TMPRSS5: variants seen among roughly 807,000 people sequenced by gnomAD.
The protein encoded by TMPRSS5 is transmembrane protease serine 5.
In TMPRSS5, 45 loss-of-function variants were observed where a neutral mutation model predicts 59.7. The observed-to-expected ratio is 0.75, with a 90% CI of 0.59 to 0.97. The LOEUF (loss-of-function observed/expected upper bound fraction) is 0.97, where lower values mean the gene tolerates loss of function less well. Ranked by LOEUF, TMPRSS5 falls within the 50% of genes least tolerant of loss-of-function variation. TMPRSS5 has a pLI of 0.00. For missense variants in TMPRSS5, 585 were observed against 596.7 expected, an observed-to-expected ratio of 0.98 and a Z score of 0.20; for synonymous variants, 225 against 232.0, an observed-to-expected ratio of 0.97 and a Z score of 0.27.
At chr11:113,705,933 C>A (rs569374801) in intron 1 of TMPRSS5, among the ~76,000 whole-genome samples, 1 of 152,308 alleles carries the variant, frequency 6.6e-6, no homozygotes, top group South Asian at 2.1e-4. Context: ...TTACAGGACT[C>A]CTTGCTCCTC....
rs146829461 is a variant in TMPRSS5 at position 113,687,897 on chromosome 11, CAGGGAGGGGAG to C, written c.*352_*362del. ...CCCTCCCAAAAGACTCACACAGGGGCAGGGAGGGGAGAGGGCAGAAGGGCAGGCTTCCTGCT... is the reference window on the plus strand; with the variant it reads ...CCCTCCCAAAAGACTCACACAGGGGCAGGGCAGAAGGGCAGGCTTCCTGCT... On this transcript the variant is annotated 3_prime_UTR_variant, in exon 13 of 13. Transcript: ENST00000299882. The C allele has an allele frequency of 0.015, 3,245 of 223,488 alleles. 115 individuals are homozygous for C. Among genetic ancestry groups the C allele is most frequent in the African/African-American group, 0.07 (3,082 of 44,154 alleles). 13.8% of individuals were successfully genotyped at this position (223,488 alleles called of 1,614,324 possible).
intron 1 of TMPRSS5, among the ~76,000 whole-genome samples, chr11:113,703,329 A>G (rs943957317): frequency 6.6e-6 from 1 of 152,108 alleles, no homozygotes; most frequent in African/African-American, 2.4e-5. Context: ...ATTTTGACCA[A>G]TTTCTCCCAT....
intron 12 of TMPRSS5, among the ~76,000 whole-genome samples, chr11:113,688,479 T>C (rs1952666560): frequency 6.6e-6 from 1 of 152,224 alleles, no homozygotes; most frequent in East Asian, 1.9e-4. Context: ...GAATGTATTA[T>C]CTACCAACCC....
chr11:113,699,249 CTCTCTCTCT>C lies in TMPRSS5; in HGVS notation c.206-231_206-223del, dbSNP rs1953034137. On this transcript the variant is annotated intron_variant, in intron 3 of 12. Transcript: ENST00000299882. ...TCTCTCTCTCTCTCTCTCTCTCTCT[CTCTCTCTCT>C]CTCTCTCTCTCTCCCTCTCTCTCTC... Among the ~76,000 whole-genome samples, 5 of 88,976 alleles carry C rather than the reference CTCTCTCTCT, an allele frequency of 5.6e-5. No homozygotes were observed. In the East Asian group the frequency reaches 1.5e-3, roughly 26 times the overall value. 58.4% of individuals were successfully genotyped at this position (88,976 alleles called of 152,430 possible).
chr11:113,704,243 C>T (rs1019779400), intron 1 of TMPRSS5, among the ~76,000 whole-genome samples: 1 of 152,140 alleles, frequency 6.6e-6, no homozygotes, highest in African/African-American at 2.4e-5. Flanking sequence ...AGTCTGCAAC[C>T]TACTATGTGA....
In TMPRSS5 at chr11:113,688,154, C is replaced by A; in HGVS notation, c.*106G>T. Reference sequence around the variant, plus strand: ...CACACACAGTAGTAGGAGGTCCATGCGTTCTGTGTCGGAGGCTACTGCCTC... The same window carrying A: ...CACACACAGTAGTAGGAGGTCCATGAGTTCTGTGTCGGAGGCTACTGCCTC... On this transcript the variant is annotated 3_prime_UTR_variant, in exon 13 of 13. Coordinates refer to ENST00000299882, the MANE Select transcript of TMPRSS5 (RefSeq NM_030770.4). 7.5e-6 allele frequency: 11 copies of A among 1,473,906 alleles called. No individual in the cohort carries two copies. The South Asian group carries it at 1.3e-4, about 18-fold the overall frequency. The allele number at this position is 1,473,906 out of a possible 1,614,324, so 91.3% of individuals were successfully genotyped here. A position where few individuals can be genotyped will look rare whatever the true frequency, so the allele number is the denominator to read the frequency against.
rs945133826 is a variant in TMPRSS5, at chr11:113,688,134, A to G, written c.*126T>C. On this transcript the variant is annotated 3_prime_UTR_variant, in exon 13 of 13. Transcript: ENST00000299882. ...AGTGGGTAGTGACTGTTCCTCACAC[A>G]CAGTAGTAGGAGGTCCATGCGTTCT... 7.3e-7 allele frequency: 1 copy of G among 1,377,644 alleles called. No homozygotes were observed. Among genetic ancestry groups the G allele is most frequent in the East Asian group, 2.8e-5 (1 of 36,230 alleles). The allele number at this position is 1,377,644 out of a possible 1,614,324, so 85.3% of individuals were successfully genotyped here. A position where few individuals can be genotyped will look rare whatever the true frequency, so the allele number is the denominator to read the frequency against.
chr11:113,705,459 G>A (rs1327892280), intron 1 of TMPRSS5, among the ~76,000 whole-genome samples: 3 of 152,124 alleles, frequency 2.0e-5, no homozygotes, highest in Admixed American at 2.0e-4. Context: ...CCCTACACCA[G>A]CCACAGCCCA....
chr11:113,697,233 A>G (rs376172695), intron 5 of TMPRSS5, 50 bp downstream of exon 5: 1 of 1,576,576 alleles, frequency 6.3e-7, no homozygotes, highest in Non-Finnish European at 8.6e-7. Flanking sequence ...TTCCCATCCC[A>G]CACCAGCCAG....
At chr11:113,699,832 G>T (rs1211042935) in intron 2 of TMPRSS5, 139 bp from the exon 3 acceptor site, 24 of 1,378,220 alleles carry the variant, frequency 1.7e-5, no homozygotes, top group Non-Finnish European at 2.4e-5. Flanking sequence ...GCCCAGATTA[G>T]GGAGGGAGTG....
chr11:113,690,180 TCCCACC>T, intron 11 of TMPRSS5, 45 bp downstream of exon 11: 1 of 187,988 alleles, frequency 5.3e-6, no homozygotes, highest in Non-Finnish European at 8.9e-6. Context: ...CCCCCTGCCC[TCCCACC>T]CCCACCTCCA....
At chr11:113,690,423 A>G (rs1388777058) in intron 10 of TMPRSS5, 50 bp from the exon 11 acceptor site, 2 of 1,572,154 alleles carry the variant, frequency 1.3e-6, no homozygotes, top group African/African-American at 2.7e-5. Flanking sequence ...AGGCCCAGGC[A>G]GGCAGAGCAG....
At chr11:113,688,817 G>T (rs541005148) in intron 12 of TMPRSS5, among the ~76,000 whole-genome samples, 1 of 151,950 alleles carries the variant, frequency 6.6e-6, no homozygotes, top group African/African-American at 2.4e-5. Flanking sequence ...CACCTCGGCC[G>T]CCCAAAGTGC....
chr11:113,694,162 T>C (rs1228922549), intron 8 of TMPRSS5, among the ~76,000 whole-genome samples: 1 of 151,130 alleles, frequency 6.6e-6, no homozygotes, highest in African/African-American at 2.4e-5. Context: ...CAAGAATCGC[T>C]TGAACCCAGG....
intron 2 of TMPRSS5, 38 bp downstream of exon 2, chr11:113,700,028 C>T (rs1256387803): frequency 2.6e-6 from 4 of 1,551,758 alleles, no homozygotes; most frequent in Non-Finnish European, 3.5e-6. Flanking sequence ...CTCCACTGTC[C>T]CCACCCTGTC....
At chr11:113,696,830 A>G (rs755972712) in intron 6 of TMPRSS5, 28 bp downstream of exon 6, 2 of 1,484,854 alleles carry the variant, frequency 1.3e-6, no homozygotes, top group Non-Finnish European at 1.8e-6. Context: ...AAGGGACCCC[A>G]CTCACCTAAC....
At chr11:113,704,190 T>C (rs1269908681) in intron 1 of TMPRSS5, among the ~76,000 whole-genome samples, 2 of 152,026 alleles carry the variant, frequency 1.3e-5, no homozygotes, top group Admixed American at 1.3e-4. Context: ...AGAGGAGTAA[T>C]GAAAATAAGA....
intron 1 of TMPRSS5, 75 bp from the exon 2 acceptor site, chr11:113,700,243 T>C: frequency 1.5e-6 from 2 of 1,315,538 alleles, no homozygotes; most frequent in Non-Finnish European, 2.0e-6. Context: ...CCAGTCCAAG[T>C]CCCCATTCTT....
In TMPRSS5 at chr11:113,699,026, C is replaced by A. The variant is rs1591385238; in HGVS notation, c.207G>T (p.Val69=). 1 of 1,611,544 alleles carries A rather than the reference C, an allele frequency of 6.2e-7. No individual in the cohort carries two copies. The highest frequency in any genetic ancestry group is 1.3e-5 in the African/African-American group (1 of 75,000). Residue 69 remains valine, a splice_region_variant and synonymous_variant, in exon 4 of 13, where the codon GTG becomes GTT. Coordinates refer to ENST00000299882, the MANE Select transcript of TMPRSS5 (RefSeq NM_030770.4). ...GAGAGGCAGCAGGACACAGATACAG[C>A]ACTTTAGAGAAGAACAAAGAGAAAG... The part of the protein sequence containing the change: ...AGAGVGSWLL[V]LYLCPAASQP...
Sources: gnomAD v4.1 joint callset for allele counts (sites outside exome capture counted in the v4.1 genomes callset) on GRCh38, gnomAD v4.1.1 for gene constraint, MANE v1.5 for transcripts, NCBI Gene and HGNC (gene_info 2026-07-23, HGNC 2026-07-21) for gene names.